The following UBE4B variants were observed in gnomAD, a reference collection of about 807,000 sequenced individuals.
The protein encoded by UBE4B is ubiquitin conjugation factor E4 B.
UBE4B carries 27 observed loss-of-function variants against 148.1 expected under a neutral mutation model. The observed-to-expected ratio is 0.18, with a 90% CI of 0.13 to 0.25. The LOEUF is 0.25. UBE4B is among the 10% of genes least tolerant of loss of function. The pLI is 1.00. For missense variants in UBE4B, 1,170 were observed against 1,662.4 expected (o/e 0.70, Z 5.15); for synonymous variants, 596 against 619.3 (o/e 0.96, Z 0.56).
At position 10,168,066 on chromosome 1, in the gene UBE4B, T is replaced by C. The variant is rs1646281374; in HGVS notation, c.3199-70T>C. The C allele has an allele frequency of 2.0e-6, 3 of 1,531,752 alleles. No individual in the cohort carries two copies. The highest frequency in any genetic ancestry group is 1.8e-4 in the Middle Eastern group (1 of 5,576). 94.9% of individuals were successfully genotyped at this position (1,531,752 alleles called of 1,614,324 possible). ...GGGTTTATCACGCACTTTCCAGTTA[T>C]GTGCTTGGCGCTTTGCTGAGCTGAT... On this transcript the variant is annotated intron_variant, in intron 23 of 27. Coordinates refer to ENST00000343090, the MANE Select transcript of UBE4B (RefSeq NM_001105562.3). The surrounding 1 kb of genome is among the most constrained non-coding windows in gnomAD (Gnocchi z 4.9).
chr1:10,158,529 CA>C (rs748754369), intron 22 of UBE4B, 47 bp downstream of exon 22: 2 of 1,598,504 alleles, frequency 1.3e-6, no homozygotes, highest in Admixed American at 3.4e-5. Flanking sequence ...TTGCAAATCG[CA>C]GGTAGGATTG....
chr1:10,142,044 A>AT (rs113950298), intron 17 of UBE4B, among the ~76,000 whole-genome samples: 34,582 of 148,342 alleles, frequency 0.23, 7,694 homozygotes, highest in African/African-American at 0.59. Flanking sequence ...GAAGCCTGTC[A>AT]TTTTTTTTTT....
At chr1:10,063,575 C>T (rs1440789767) in intron 1 of UBE4B, among the ~76,000 whole-genome samples, 1 of 152,066 alleles carries the variant, frequency 6.6e-6, no homozygotes, top group East Asian at 1.9e-4. Context: ...TGCCTCCATT[C>T]GTTCTCCACA....
chr1:10,095,025 T>G (rs1022407673), intron 2 of UBE4B, among the ~76,000 whole-genome samples: 2 of 152,224 alleles, frequency 1.3e-5, no homozygotes, highest in African/African-American at 2.4e-5. Flanking sequence ...GTGGTCCACC[T>G]GCCTTGGCCT....
At chr1:10,097,223 GA>G (rs1644943683) in intron 3 of UBE4B, among the ~76,000 whole-genome samples, 1 of 151,824 alleles carries the variant, frequency 6.6e-6, no homozygotes, top group Non-Finnish European at 1.5e-5. Flanking sequence ...CAAAGCAGAT[GA>G]AAAATATAAA....
At chr1:10,145,114 G>A in intron 18 of UBE4B, 75 bp downstream of exon 18, 6 of 1,194,582 alleles carry the variant, frequency 5.0e-6, no homozygotes, top group Non-Finnish European at 1.2e-6. Flanking sequence ...TATGCCTTGA[G>A]TGAGCAGTTT....
At chr1:10,124,634 A>G (rs1645463353) in intron 10 of UBE4B, among the ~76,000 whole-genome samples, 1 of 152,210 alleles carries the variant, frequency 6.6e-6, no homozygotes, top group African/African-American at 2.4e-5. Context: ...GCAAAGCAGC[A>G]TTTTACCTTT....
intron 22 of UBE4B, among the ~76,000 whole-genome samples, chr1:10,160,212 C>T (rs1646139437): frequency 6.6e-6 from 1 of 152,120 alleles, no homozygotes; most frequent in Admixed American, 6.6e-5. Context: ...TGGAGGCTTC[C>T]AGTTTTAAAG....
chr1:10,115,224 G>C (rs1645288918), intron 7 of UBE4B, among the ~76,000 whole-genome samples: 1 of 145,850 alleles, frequency 6.9e-6, no homozygotes. Flanking sequence ...GACCTCAAGT[G>C]ATCTGCCCGC....
intron 10 of UBE4B, among the ~76,000 whole-genome samples, chr1:10,126,303 A>G (rs903265487): frequency 5.9e-5 from 2 of 33,954 alleles, no homozygotes; most frequent in African/African-American, 3.2e-4. Flanking sequence ...CCGTCTCAAT[A>G]TAGATAGATA....
At chr1:10,140,514 A>G (rs927843948) in intron 17 of UBE4B, among the ~76,000 whole-genome samples, 2 of 152,182 alleles carry the variant, frequency 1.3e-5, no homozygotes, top group Non-Finnish European at 2.9e-5. Context: ...TATAATATCA[A>G]TCACTGAGAG....
chr1:10,117,744 T>C, intron 8 of UBE4B, 144 bp downstream of exon 8: 1 of 1,055,842 alleles, frequency 9.5e-7, no homozygotes, highest in South Asian at 2.0e-5. Flanking sequence ...ACTAGGAACT[T>C]AGGATGTGTC....
At position 10,159,433 on chromosome 1, in the gene UBE4B, G is replaced by A. The variant is rs187437430; in HGVS notation, c.3053+951G>A. On this transcript the variant is annotated intron_variant, in intron 22 of 27. Transcript: ENST00000343090. ...CATGCCTGTAATCCCAGCACTTTGG[G>A]AGGCCGAGCAGGGCGGATCAGGAGG... 4.9e-4 allele frequency among the ~76,000 whole-genome samples: 74 copies of A among 152,340 alleles called. 1 individual carries two copies. The highest frequency in any genetic ancestry group is 1.7e-3 in the African/African-American group (72 of 41,584).
intron 17 of UBE4B, among the ~76,000 whole-genome samples, chr1:10,138,226 T>C (rs920642436): frequency 6.6e-6 from 1 of 151,788 alleles, no homozygotes; most frequent in African/African-American, 2.4e-5. Flanking sequence ...GTCTCCTGAG[T>C]AGCTGGGACT....
chr1:10,038,359 G>T (rs1381324669), intron 1 of UBE4B, among the ~76,000 whole-genome samples: 2 of 151,882 alleles, frequency 1.3e-5, no homozygotes, highest in Admixed American at 1.3e-4. Context: ...GGACTTTTTA[G>T]CAAGGTTCTG....
Position 10,179,529 on chromosome 1 carries a change from C to A in UBE4B, c.3814C>A (p.Arg1272=). 1.9e-6 allele frequency: 3 copies of A among 1,613,838 alleles called. No homozygotes were observed. Among genetic ancestry groups the A allele is most frequent in the Non-Finnish European group, 2.5e-6 (3 of 1,180,028 alleles). ...LLNSPTDPFN[R]QTLTESMLEP... Reference sequence around the variant, plus strand: ...CAACTCCCCCACGGACCCCTTCAACCGGCAGACGCTGACAGAGAGCATGCT... The same window carrying A: ...CAACTCCCCCACGGACCCCTTCAACAGGCAGACGCTGACAGAGAGCATGCT... Residue 1272 remains arginine, a synonymous_variant, in exon 27 of 28, where the codon CGG becomes AGG. Transcript: ENST00000343090.
rs540706597 is a variant in UBE4B, at chr1:10,037,849, C to T, written c.24+4155C>T. ...GAGATTACAGGCATGAGCCACCATG[C>T]CCAGCCAAGTAGGTGTTTTAAACTG... On this transcript the variant is annotated intron_variant, in intron 1 of 27. Transcript: ENST00000343090. 1.1e-3 allele frequency among the ~76,000 whole-genome samples: 173 copies of T among 152,232 alleles called. 1 individual carries two copies. The highest frequency in any genetic ancestry group is 3.9e-3 in the African/African-American group (163 of 41,572).
intron 23 of UBE4B, among the ~76,000 whole-genome samples, chr1:10,165,148 A>C (rs1646227479): frequency 6.6e-6 from 1 of 152,148 alleles, no homozygotes; most frequent in African/African-American, 2.4e-5. Flanking sequence ...GTATTTGTCT[A>C]ATCAGTGTCT....
chr1:10,036,945 T>C (rs1413089156), intron 1 of UBE4B, among the ~76,000 whole-genome samples: 1 of 152,194 alleles, frequency 6.6e-6, no homozygotes, highest in Non-Finnish European at 1.5e-5. Context: ...AAAAGGCTGG[T>C]ATAACCAGAC....
Sources: allele counts gnomAD v4.1 joint callset (sites outside exome capture counted in the v4.1 genomes callset), GRCh38; gene constraint gnomAD v4.1.1; non-coding constraint Gnocchi (gnomAD v3.1); transcripts MANE v1.5; gene names NCBI Gene and HGNC (gene_info 2026-07-23, HGNC 2026-07-21).